PSG11: variants seen among roughly 807,000 people sequenced by gnomAD.
PSG11 encodes pregnancy-specific beta-1-glycoprotein 11.
In PSG11, 42 loss-of-function variants were observed where a neutral mutation model predicts 36.0. That is an observed-to-expected ratio of 1.17 (90% CI 0.91 to 1.51). The LOEUF is 1.51. Ranked by LOEUF, PSG11 falls within the 40% of genes most tolerant of loss-of-function variation. The pLI is 0.00. For missense variants in PSG11, 558 were observed against 403.5 expected, an observed-to-expected ratio of 1.38 and a Z score of -3.28; for synonymous variants, 206 against 153.5, an observed-to-expected ratio of 1.34 and a Z score of -2.53.
intron 5 of PSG11, among the ~76,000 whole-genome samples, chr19:43,008,375 C>G (rs1973983000): frequency 6.6e-6 from 1 of 151,148 alleles, no homozygotes; most frequent in African/African-American, 2.4e-5. Flanking sequence ...CGGGTTCATG[C>G]CATTCTTCTG....
chr19:43,023,054 T>G (rs1159988594), intron 2 of PSG11, among the ~76,000 whole-genome samples: 1 of 150,630 alleles, frequency 6.6e-6, no homozygotes, highest in African/African-American at 2.5e-5. Context: ...AGACACTGAC[T>G]TCAGAGCCCC....
rs1025371119 is a variant in PSG11, at chr19:43,025,253, T to A, written c.65-197A>T. On this transcript the variant is annotated intron_variant, in intron 1 of 5. Transcript: ENST00000320078. The stretch of plus-strand genomic sequence containing the variant: ...ATGTGTATGTGTGTGTGTTCTACTG[T>A]CCTACTAGGTCAAGGTCAGCAGCAT... 32 of 1,028,574 alleles carry A rather than the reference T, an allele frequency of 3.1e-5. No homozygotes were observed. In the Middle Eastern group the frequency reaches 2.0e-3, roughly 64 times the overall value. 63.7% of individuals were successfully genotyped at this position (1,028,574 alleles called of 1,614,324 possible).
intron 1 of PSG11, 60 bp from the exon 2 acceptor site, chr19:43,025,116 G>C: frequency 6.4e-7 from 1 of 1,562,784 alleles, no homozygotes; most frequent in South Asian, 1.2e-5. Context: ...TGAAAAGATG[G>C]GGCCCTGAGT....
intron 3 of PSG11, chr19:43,016,157 A>T: frequency 6.9e-7 from 1 of 1,456,724 alleles, no homozygotes; most frequent in Non-Finnish European, 9.2e-7. Flanking sequence ...GAGTCCTTGA[A>T]AGCCAATAGC....
chr19:43,024,706 T>C lies in PSG11; in HGVS notation c.415A>G (p.Thr139Ala). Residue 139 changes from threonine to alanine, a missense_variant, in exon 2 of 6, where the codon ACC becomes GCC. Transcript: ENST00000320078. ...DGTRGVTGYF[T>A]FTLYLETPKP... ...AATCACTTACGGTATAAGGTGAAGG[T>C]GAAATATCCAGTTACTCCTCTAGTC... 2 of 1,610,734 alleles carry C rather than the reference T, an allele frequency of 1.2e-6. No individual in the cohort carries two copies. Among genetic ancestry groups the C allele is most frequent in the Non-Finnish European group, 1.7e-6 (2 of 1,178,474 alleles).
chr19:43,012,627 G>A (rs1974105397), intron 4 of PSG11, among the ~76,000 whole-genome samples: 1 of 151,486 alleles, frequency 6.6e-6, no homozygotes, highest in South Asian at 2.1e-4. Flanking sequence ...ATTGCTGAAA[G>A]AAATGAAAGA....
At chr19:43,011,437 G>C (rs1016861529) in intron 4 of PSG11, among the ~76,000 whole-genome samples, 1 of 151,124 alleles carries the variant, frequency 6.6e-6, no homozygotes, top group Admixed American at 6.6e-5. Context: ...AAATAATAAG[G>C]ATTAGAGTTG....
In PSG11 at chr19:43,008,015, C is replaced by A; in HGVS notation, c.*68G>T. The A allele has an allele frequency of 2.5e-6, 1 of 399,930 alleles. No homozygotes were observed. Among genetic ancestry groups the A allele is most frequent in the South Asian group, 1.3e-4 (1 of 7,806 alleles). 24.8% of individuals were successfully genotyped at this position (399,930 alleles called of 1,614,324 possible). On this transcript the variant is annotated 3_prime_UTR_variant, in exon 6 of 6. Transcript: ENST00000320078. ...TTATCAGGAACTTGTATTCAAGAGT[C>A]CTTTTCATAGTCTTTTCCATAAATC... is the stretch of plus-strand genomic sequence containing the variant.
chr19:43,009,650 G>T (rs1184300394), intron 5 of PSG11, among the ~76,000 whole-genome samples: 2 of 151,476 alleles, frequency 1.3e-5, no homozygotes, highest in East Asian at 3.9e-4. Flanking sequence ...TATGGGAATG[G>T]AGAGAATTAC....
At chr19:43,013,352 A>G (rs1254213352) in intron 4 of PSG11, among the ~76,000 whole-genome samples, 2 of 151,488 alleles carry the variant, frequency 1.3e-5, no homozygotes, top group Non-Finnish European at 2.9e-5. Context: ...ATATTTGCAA[A>G]TTATATGTGT....
intron 4 of PSG11, among the ~76,000 whole-genome samples, chr19:43,013,344 AT>A (rs1416592208): frequency 6.6e-6 from 1 of 151,434 alleles, no homozygotes; most frequent in Non-Finnish European, 1.5e-5. Flanking sequence ...TGATAAAAAT[AT>A]TTGCAAATTA....
chr19:43,009,291 T>C (rs1011500233), intron 5 of PSG11, among the ~76,000 whole-genome samples: 4 of 151,148 alleles, frequency 2.6e-5, no homozygotes, highest in Non-Finnish European at 5.9e-5. Context: ...TGATGAAGGG[T>C]GTGGTTAAGT....
intron 5 of PSG11, among the ~76,000 whole-genome samples, chr19:43,009,617 T>A (rs1442893309): frequency 1.3e-5 from 2 of 151,488 alleles, no homozygotes; most frequent in Non-Finnish European, 2.9e-5. Flanking sequence ...AGTCAAGCAA[T>A]ACTTTGAGAA....
intron 5 of PSG11, among the ~76,000 whole-genome samples, chr19:43,009,157 G>GT (rs1974008020): frequency 1.3e-5 from 2 of 151,276 alleles, no homozygotes; most frequent in African/African-American, 4.9e-5. Flanking sequence ...ATTTCTGTAT[G>GT]TTTTTTGAAC....
chr19:43,008,064 G>C, intron 5 of PSG11, 22 bp from the exon 6 acceptor site: 1 of 364,836 alleles, frequency 2.7e-6, no homozygotes, highest in Non-Finnish European at 5.2e-6. Context: ...AGCAATTTTG[G>C]ACTGTAGCTG....
intron 3 of PSG11, chr19:43,015,638 G>C: frequency 6.7e-7 from 1 of 1,498,864 alleles, no homozygotes; most frequent in Non-Finnish European, 8.9e-7. Flanking sequence ...CCAGGGCAGG[G>C]AGTCATGGCC....
At chr19:43,015,508 G>T (rs909188369) in intron 3 of PSG11, 138 bp from the exon 4 acceptor site, 10 of 1,347,332 alleles carry the variant, frequency 7.4e-6, no homozygotes, top group Non-Finnish European at 8.1e-6. Context: ...TGTTCACTGA[G>T]CTGAAGCCTG....
At chr19:43,019,100 C>A (rs1967041304) in intron 2 of PSG11, 52 bp from the exon 3 acceptor site, 1 of 1,583,702 alleles carries the variant, frequency 6.3e-7, no homozygotes, top group Admixed American at 1.8e-5. Flanking sequence ...TTGATTCCTC[C>A]AAAGGCATTT....
rs142942764 is a variant in PSG11 at position 43,018,967 on chromosome 19, G to A, written c.512C>T (p.Pro171Leu). ...AMETVILTCN[P>L]ETPDASYLWW... ...CAGGTAGCTTGCGTCCGGAGTCTCA[G>A]GATTACAGGTTAAGATCACAGTCTC... The change falls in exon 3 of 6, where the codon CCT (proline) becomes CTT (leucine). Residue 171 changes from proline to leucine, a missense_variant. Pro to Leu is a moderately conservative substitution (Grantham distance 98). Transcript: ENST00000320078. 1.2e-5 allele frequency: 20 copies of A among 1,611,990 alleles called. No homozygotes were observed. Among genetic ancestry groups the A allele is most frequent in the Non-Finnish European group, 1.4e-5 (17 of 1,179,158 alleles).
Sources: allele counts gnomAD v4.1 joint callset (sites outside exome capture counted in the v4.1 genomes callset), GRCh38; gene constraint gnomAD v4.1.1; transcripts MANE v1.5; gene names NCBI Gene and HGNC (gene_info 2026-07-23, HGNC 2026-07-21).